The following STRADA variants were observed in gnomAD, a reference collection of about 807,000 sequenced individuals.
STRADA encodes STE20 related adaptor alpha.
A neutral mutation model predicts 55.0 loss-of-function variants in STRADA; 26 were observed. That is an observed-to-expected ratio of 0.47 (90% CI 0.35 to 0.66). STRADA has a LOEUF of 0.66. Ranked by LOEUF, STRADA falls within the 30% of genes least tolerant of loss-of-function variation. The pLI, the probability that STRADA is intolerant of heterozygous loss-of-function variation, is 0.01. For missense variants in STRADA, 443 were observed against 549.7 expected, an observed-to-expected ratio of 0.81 and a Z score of 1.94; for synonymous variants, 197 against 210.9, an observed-to-expected ratio of 0.93 and a Z score of 0.57.
At chr17:63,718,895 T>C (rs1041153773) in intron 4 of STRADA, 4 of 152,214 alleles carry the variant, frequency 2.6e-5, no homozygotes, top group African/African-American at 9.7e-5. Flanking sequence ...CTTTCCTTTC[T>C]TCACAGAAGT....
intron 3 of STRADA, among the ~76,000 whole-genome samples, chr17:63,724,556 G>A (rs866933618): frequency 3.9e-5 from 6 of 151,982 alleles, no homozygotes; most frequent in Middle Eastern, 3.4e-3. Context: ...GATTACAGGC[G>A]TGCGCCACCA....
Position 63,704,496 on chromosome 17 carries a change from C to G in STRADA, c.945G>C (p.Ser315=), listed in dbSNP as rs755719551. 6.2e-7 allele frequency: 1 copy of G among 1,611,966 alleles called. No homozygotes were observed. The highest frequency in any genetic ancestry group is 8.5e-7 in the Non-Finnish European group (1 of 1,179,090). ...IPAEELTMSP[S]RSVANSGLSD... is the part of the protein sequence containing the mutation. Reference sequence around the variant, plus strand: ...TCAGGCCAGAGTTGGCCACTGAGCGCGAAGGGCTCATGGTCAGCTCCTCAG... The same window carrying G: ...TCAGGCCAGAGTTGGCCACTGAGCGGGAAGGGCTCATGGTCAGCTCCTCAG... Residue 315 remains serine, a synonymous_variant, in exon 11 of 13, where the codon TCG becomes TCC. Transcript: ENST00000336174.
intron 1 of STRADA, among the ~76,000 whole-genome samples, chr17:63,728,932 G>C (rs1293103573): frequency 7.5e-6 from 1 of 132,976 alleles, no homozygotes; most frequent in African/African-American, 2.5e-5. Context: ...TGTAGAAAGA[G>C]AAATTTGTCA....
intron 4 of STRADA, among the ~76,000 whole-genome samples, chr17:63,720,225 A>C (rs1174544126): frequency 6.6e-6 from 1 of 150,958 alleles, no homozygotes; most frequent in Non-Finnish European, 1.5e-5. Context: ...CCCAAGCTGG[A>C]GTGCAATGGC....
intron 2 of STRADA, chr17:63,728,008 A>AC (rs1555706173): frequency 1.5e-5 from 3 of 194,534 alleles, no homozygotes; most frequent in Non-Finnish European, 3.0e-5. Flanking sequence ...TCACAACCTC[A>AC]CGGGGGGTCA....
intron 1 of STRADA, among the ~76,000 whole-genome samples, chr17:63,730,751 G>A (rs2037981865): frequency 6.6e-6 from 1 of 151,978 alleles, no homozygotes; most frequent in Non-Finnish European, 1.5e-5. Flanking sequence ...AGTAGAGACA[G>A]GGTTTCACTA....
chr17:63,723,153 C>T lies in STRADA; in HGVS notation c.123+145G>A, dbSNP rs1001041220. On this transcript the variant is annotated intron_variant, in intron 4 of 12. Transcript: ENST00000336174. Reference sequence around the variant, plus strand: ...TTTTCCAGGGTGAAACCTGAATCTCCACAAGTACAAAAATCACACTACAAA... The same window carrying T: ...TTTTCCAGGGTGAAACCTGAATCTCTACAAGTACAAAAATCACACTACAAA... The T allele has an allele frequency of 3.8e-6, 4 of 1,041,042 alleles. No individual in the cohort carries two copies. The African/African-American group carries it at 4.8e-5, about 12-fold the overall frequency. 64.5% of individuals were successfully genotyped at this position (1,041,042 alleles called of 1,614,324 possible). A position where few individuals can be genotyped will look rare whatever the true frequency, so the allele number is the denominator to read the frequency against.
chr17:63,736,130 C>T (rs925785662), intron 1 of STRADA, among the ~76,000 whole-genome samples: 57 of 151,956 alleles, frequency 3.8e-4, no homozygotes, highest in African/African-American at 1.2e-3. Context: ...TTAGTAGAGA[C>T]GGGGCTTAAC....
intron 3 of STRADA, chr17:63,726,306 CCTTT>C (rs893268536): frequency 9.0e-6 from 2 of 223,072 alleles, no homozygotes; most frequent in Non-Finnish European, 1.7e-5. Context: ...ATCATTGCTT[CCTTT>C]GTCTTGACAA....
chr17:63,721,838 T>C (rs7210724), intron 4 of STRADA, among the ~76,000 whole-genome samples: 106,581 of 152,184 alleles, frequency 0.7, 38,760 homozygotes, highest in African/African-American at 0.92. Flanking sequence ...GTCCCCAGCT[T>C]ACTAGGAATG....
At chr17:63,724,389 T>G (rs1283240433) in intron 3 of STRADA, among the ~76,000 whole-genome samples, 2 of 151,932 alleles carry the variant, frequency 1.3e-5, no homozygotes, top group African/African-American at 4.8e-5. Context: ...GTGATCTGCC[T>G]GCCTCAGTCT....
chr17:63,704,256 G>T, intron 11 of STRADA, 85 bp downstream of exon 11: 1 of 1,574,594 alleles, frequency 6.4e-7, no homozygotes, highest in Non-Finnish European at 8.6e-7. Flanking sequence ...AGAACCTTTG[G>T]GAGGTAAGTC....
intron 4 of STRADA, among the ~76,000 whole-genome samples, chr17:63,721,337 A>G (rs552081676): frequency 6.6e-6 from 1 of 150,502 alleles, no homozygotes; most frequent in Admixed American, 6.7e-5. Flanking sequence ...ATGCCATTGC[A>G]CTCCAGCCTG....
At chr17:63,727,918 T>C (rs918718031) in intron 2 of STRADA, 2 of 154,942 alleles carry the variant, frequency 1.3e-5, no homozygotes, top group African/African-American at 2.4e-5. Flanking sequence ...AAATCTTTCA[T>C]GTTCAAAATG....
intron 4 of STRADA, among the ~76,000 whole-genome samples, chr17:63,720,666 C>T (rs918223465): frequency 2.7e-5 from 4 of 150,782 alleles, no homozygotes; most frequent in East Asian, 4.0e-4. Context: ...CCCAGCTACT[C>T]GGGAGGCTGA....
intron 9 of STRADA, 39 bp downstream of exon 9, chr17:63,707,208 G>C (rs754230273): frequency 6.2e-7 from 1 of 1,606,690 alleles, no homozygotes; most frequent in Non-Finnish European, 8.5e-7. Context: ...TGGGAATCAT[G>C]AGTTGGGTAG....
chr17:63,735,123 C>T (rs8081541), intron 1 of STRADA, among the ~76,000 whole-genome samples: 42,409 of 152,144 alleles, frequency 0.28, 6,280 homozygotes, highest in Middle Eastern at 0.37. Context: ...CCATTGCACA[C>T]GCCAGCTTGG....
intron 4 of STRADA, among the ~76,000 whole-genome samples, chr17:63,716,471 G>A (rs545492633): frequency 2.0e-5 from 3 of 152,180 alleles, no homozygotes. Flanking sequence ...CAGTCTCATG[G>A]ATTTGATTTA....
intron 4 of STRADA, among the ~76,000 whole-genome samples, chr17:63,716,476 GA>G (rs2036893297): frequency 6.6e-6 from 1 of 152,036 alleles, no homozygotes. Flanking sequence ...TCATGGATTT[GA>G]TTTACATTTC....
Sources: gnomAD v4.1 joint callset for allele counts (sites outside exome capture counted in the v4.1 genomes callset) on GRCh38, gnomAD v4.1.1 for gene constraint, MANE v1.5 for transcripts, NCBI Gene and HGNC (gene_info 2026-07-23, HGNC 2026-07-21) for gene names.